Variants in FAM227B observed in about 807,000 individuals in gnomAD.
FAM227B encodes protein FAM227B.
A neutral mutation model predicts 73.8 loss-of-function variants in FAM227B; 88 were observed. The observed-to-expected ratio is 1.19, with a 90% CI of 1.00 to 1.42. The LOEUF (loss-of-function observed/expected upper bound fraction) is 1.42. FAM227B is among the 40% of genes most tolerant of loss of function. FAM227B has a pLI of 0.00. For synonymous variants in FAM227B, 210 were observed against 190.5 expected (o/e 1.10, Z -0.84); for missense variants, 632 against 590.9 (o/e 1.07, Z -0.72).
At chr15:49,504,602 G>A (rs1189618409) in intron 11 of FAM227B, among the ~76,000 whole-genome samples, 2 of 151,348 alleles carry the variant, frequency 1.3e-5, no homozygotes, top group African/African-American at 4.9e-5. Flanking sequence ...GCATGTTAAA[G>A]TTTAAAAAAA....
intron 8 of FAM227B, among the ~76,000 whole-genome samples, chr15:49,569,209 TG>T (rs2074906191): frequency 6.6e-6 from 1 of 151,864 alleles, no homozygotes; most frequent in Non-Finnish European, 1.5e-5. Context: ...TCCATAAAAT[TG>T]AAAATATTGC....
intron 11 of FAM227B, among the ~76,000 whole-genome samples, chr15:49,406,533 T>G (rs2048521732): frequency 6.6e-6 from 1 of 151,922 alleles, no homozygotes; most frequent in Non-Finnish European, 1.5e-5. Flanking sequence ...CATGCTTAGC[T>G]TCACTCCCAC....
chr15:49,384,420 G>A (rs2046746059), intron 11 of FAM227B, among the ~76,000 whole-genome samples: 1 of 152,006 alleles, frequency 6.6e-6, no homozygotes, highest in Non-Finnish European at 1.5e-5. Context: ...TGAAGACAGG[G>A]CTCACTGTCT....
Position 49,546,426 on chromosome 15 carries a change from C to A in FAM227B, c.748-4620G>T, listed in dbSNP as rs2071894588. Among the ~76,000 whole-genome samples, 2 of 152,124 alleles carry A rather than the reference C, an allele frequency of 1.3e-5. 1 individual carries two copies. The highest frequency in any genetic ancestry group is 4.1e-4 in the South Asian group (2 of 4,828). ...TAGTGCCGCAATAAACATACGTGTG[C>A]ATGTGTCTTTATAGCAGCGTGATTT... On this transcript the variant is annotated intron_variant, in intron 9 of 15. Transcript: ENST00000299338.
intron 10 of FAM227B, among the ~76,000 whole-genome samples, chr15:49,512,537 C>A (rs781593157): frequency 6.6e-6 from 1 of 151,990 alleles, no homozygotes; most frequent in Non-Finnish European, 1.5e-5. Flanking sequence ...TAGATTCATA[C>A]GAATTCTTCG....
intron 1 of FAM227B, among the ~76,000 whole-genome samples, chr15:49,618,963 C>A (rs538268591): frequency 1.3e-5 from 2 of 152,082 alleles, no homozygotes; most frequent in African/African-American, 4.8e-5. Flanking sequence ...AAAGTGGGGG[C>A]CTTGGGACTA....
intron 11 of FAM227B, among the ~76,000 whole-genome samples, chr15:49,417,337 T>C (rs866508041): frequency 6.6e-6 from 1 of 152,080 alleles, no homozygotes; most frequent in African/African-American, 2.4e-5. Context: ...CAGTAAGCCA[T>C]GATTATGCCA....
At chr15:49,553,856 T>C (rs1334944517) in intron 9 of FAM227B, among the ~76,000 whole-genome samples, 2 of 152,130 alleles carry the variant, frequency 1.3e-5, no homozygotes, top group African/African-American at 4.8e-5. Flanking sequence ...AGTCCTGGAA[T>C]TGGGGACCCC....
At position 49,385,616 on chromosome 15, in the gene FAM227B, GGTAATAAC is replaced by G; in HGVS notation, c.1013-14225_1013-14218del. 2.0e-5 allele frequency among the ~76,000 whole-genome samples: 3 copies of G among 149,260 alleles called. No individual in the cohort carries two copies. The East Asian group carries it at 5.8e-4, about 29-fold the overall frequency. ...AACACAATGAAAAAAAAAAAAACTA[GGTAATAAC>G]ATGATGAAGAGAACAGCACCTTACA... On this transcript the variant is annotated intron_variant, in intron 11 of 15. Transcript: ENST00000299338.
intron 11 of FAM227B, among the ~76,000 whole-genome samples, chr15:49,422,163 TGCGC>T (rs5812485): frequency 0.025 from 3,756 of 147,528 alleles, 136 homozygotes; most frequent in South Asian, 0.084. Flanking sequence ...TGTGTGTGTG[TGCGC>T]GCGCGCGCGC....
chr15:49,336,025 T>C (rs2039649736), intron 13 of FAM227B, among the ~76,000 whole-genome samples: 2 of 152,064 alleles, frequency 1.3e-5, no homozygotes, highest in Admixed American at 1.3e-4. Flanking sequence ...GGTCTTGAAC[T>C]TCAAACTCCT....
intron 9 of FAM227B, among the ~76,000 whole-genome samples, chr15:49,555,310 A>C (rs1203749950): frequency 3.3e-5 from 5 of 152,154 alleles, no homozygotes; most frequent in Non-Finnish European, 7.3e-5. Context: ...TCTTTCACTT[A>C]TGAAGTTTAG....
chr15:49,575,503 C>A (rs1050935286), intron 7 of FAM227B, among the ~76,000 whole-genome samples: 8 of 151,944 alleles, frequency 5.3e-5, no homozygotes, highest in Non-Finnish European at 1.0e-4. Flanking sequence ...TCATAGAATA[C>A]ATGTTTGTAA....
intron 11 of FAM227B, among the ~76,000 whole-genome samples, chr15:49,463,445 T>C (rs2053982544): frequency 6.6e-6 from 1 of 151,460 alleles, no homozygotes; most frequent in Non-Finnish European, 1.5e-5. Flanking sequence ...TCCCAGCTAC[T>C]TGGGAGGCCG....
At chr15:49,600,609 C>T (rs150222669) in intron 3 of FAM227B, among the ~76,000 whole-genome samples, 2,680 of 149,044 alleles carry the variant, frequency 0.018, 32 homozygotes, top group Non-Finnish European at 0.027. Flanking sequence ...GAGCTGAGAT[C>T]GCACCACTGC....
At chr15:49,506,709 A>G (rs539260347) in intron 11 of FAM227B, among the ~76,000 whole-genome samples, 13 of 152,166 alleles carry the variant, frequency 8.5e-5, no homozygotes, top group South Asian at 2.1e-4. Context: ...ACTTTGACCT[A>G]CTAATGGGTC....
At chr15:49,600,817 C>T (rs866107483) in intron 3 of FAM227B, among the ~76,000 whole-genome samples, 7 of 151,296 alleles carry the variant, frequency 4.6e-5, no homozygotes, top group Non-Finnish European at 5.9e-5. Flanking sequence ...TTGAGGTGGG[C>T]GAATTACCAG....
intron 9 of FAM227B, among the ~76,000 whole-genome samples, chr15:49,558,887 C>T (rs1371066750): frequency 3.3e-5 from 5 of 152,150 alleles, no homozygotes; most frequent in African/African-American, 1.2e-4. Flanking sequence ...GTCACCACCA[C>T]CAGAACCAAA....
intron 11 of FAM227B, among the ~76,000 whole-genome samples, chr15:49,372,797 T>A (rs1248589246): frequency 6.6e-6 from 1 of 152,158 alleles, no homozygotes; most frequent in African/African-American, 2.4e-5. Context: ...GATCTAGTGA[T>A]TGTAATGTTG....
Sources: gnomAD v4.1 joint callset for allele counts (sites outside exome capture counted in the v4.1 genomes callset) on GRCh38, gnomAD v4.1.1 for gene constraint, MANE v1.5 for transcripts, NCBI Gene and HGNC (gene_info 2026-07-23, HGNC 2026-07-21) for gene names.